MYO15A: variants seen among roughly 807,000 people sequenced by gnomAD.
MYO15A encodes unconventional myosin-XV.
Under a neutral mutation model 394.6 loss-of-function variants are expected in MYO15A, and 308 were observed. The observed-to-expected ratio is 0.78, with a 90% CI of 0.71 to 0.86. The LOEUF (loss-of-function observed/expected upper bound fraction) is 0.86. MYO15A is among the 40% of genes least tolerant of loss of function. MYO15A has a pLI of 0.00. For synonymous variants in MYO15A, 1,957 were observed against 2,003.8 expected, an observed-to-expected ratio of 0.98 and a Z score of 0.62; for missense variants, 4,606 against 4,799.1, an observed-to-expected ratio of 0.96 and a Z score of 1.19.
At chr17:18,157,955 G>A in intron 51 of MYO15A, 55 bp downstream of exon 51, 1 of 1,445,428 alleles carries the variant, frequency 6.9e-7, no homozygotes, top group Non-Finnish European at 9.1e-7. Flanking sequence ...AGGGGCCGCT[G>A]CAGAAGGGGT....
chr17:18,156,955 A>G lies in MYO15A; in HGVS notation c.8603A>G (p.Asp2868Gly). Residue 2868 changes from aspartate to glycine, a missense_variant and splice_region_variant, in exon 49 of 66, where the codon GAC becomes GGC. Asp to Gly is a moderately conservative substitution (Grantham distance 94, BLOSUM62 -1). Transcript: ENST00000647165. ...VDDFILELKK[D>G]SDYVVAVRNF... Reference sequence around the variant, plus strand: ...TCACCCTGCCTCTGGCTGACCCAGGACTCTGACTACGTGGTCGCTGTGAGG... The same window carrying G: ...TCACCCTGCCTCTGGCTGACCCAGGGCTCTGACTACGTGGTCGCTGTGAGG... 1 of 1,613,950 alleles carries G rather than the reference A, an allele frequency of 6.2e-7. No individual in the cohort carries two copies. The highest frequency in any genetic ancestry group is 8.5e-7 in the Non-Finnish European group (1 of 1,179,954).
At chr17:18,130,708 GCTCCTAGT>G in intron 7 of MYO15A, 89 bp from the exon 8 acceptor site, 1 of 1,602,468 alleles carries the variant, frequency 6.2e-7, no homozygotes, top group Admixed American at 1.7e-5. Flanking sequence ...CTGGTCTGAG[GCTCCTAGT>G]CTCCTGGAGA....
At chr17:18,113,784 T>C (rs2045750663) in intron 1 of MYO15A, among the ~76,000 whole-genome samples, 1 of 133,876 alleles carries the variant, frequency 7.5e-6, no homozygotes, top group Non-Finnish European at 1.5e-5. Flanking sequence ...CTTATATTCT[T>C]AGCACCTCCC....
At chr17:18,127,380 C>T (rs1281239671) in intron 7 of MYO15A, among the ~76,000 whole-genome samples, 1 of 152,176 alleles carries the variant, frequency 6.6e-6, no homozygotes, top group East Asian at 1.9e-4. Context: ...TCTGTGGCAG[C>T]TCCTGCTTCC....
intron 7 of MYO15A, 110 bp from the exon 8 acceptor site, chr17:18,130,695 T>A: frequency 6.3e-7 from 1 of 1,586,998 alleles, no homozygotes; most frequent in Non-Finnish European, 8.6e-7. Context: ...TACTAGTCCC[T>A]CCCTGGTCTG....
chr17:18,170,185 A>G (rs919847214), intron 62 of MYO15A, among the ~76,000 whole-genome samples: 4 of 152,012 alleles, frequency 2.6e-5, no homozygotes, highest in Non-Finnish European at 4.4e-5. Context: ...GAAAATGACA[A>G]GTTCCTAATG....
intron 22 of MYO15A, 97 bp from the exon 23 acceptor site, chr17:18,141,556 G>A (rs1053368218): frequency 1.0e-5 from 12 of 1,186,234 alleles, no homozygotes; most frequent in Middle Eastern, 2.2e-4. Context: ...CTGGGACCAG[G>A]CTTTTTGGAC....
rs775242184 is a variant in MYO15A, at chr17:18,157,035, C to T, written c.8683C>T (p.His2895Tyr). The change falls in exon 49 of 66, where the codon CAC becomes TAC. Residue 2895 changes from histidine to tyrosine, a missense_variant. By Grantham distance (83) the His-to-Tyr change is moderately conservative. This residue lies in a region of MYO15A where 2,776 missense variants were observed against 3,109.3 expected (regional missense o/e 0.89). Coordinates refer to ENST00000647165, the MANE Select transcript of MYO15A (RefSeq NM_016239.4). ...GGCTTTCCACAAGGGTGACATCATA[C>T]ACCTGCAGCCCCTAGAGCCACCTCG... Reference protein sequence around the residue: ...LLAFHKGDIIHLQPLEPPRVG... With the variant: ...LLAFHKGDIIYLQPLEPPRVG... 49 of 1,614,054 alleles carry T rather than the reference C, an allele frequency of 3.0e-5. No individual in the cohort carries two copies. Among genetic ancestry groups the T allele is most frequent in the Non-Finnish European group, 3.9e-5 (46 of 1,180,034 alleles).
chr17:18,131,264 A>T lies in MYO15A; in HGVS notation c.4064A>T (p.Glu1355Val), dbSNP rs773781659. Reference protein sequence around the residue: ...IKILEATPLLESFGNAKTVRN... With the variant: ...IKILEATPLLVSFGNAKTVRN... ...ATCCTGGAGGCAACACCCCTCTTGG[A>T]GTCCTTCGGTAATGCCAAAACCGTC... is the stretch of plus-strand genomic sequence containing the variant. Residue 1355 changes from glutamate to valine, a missense_variant, in exon 9 of 66, where the codon GAG (glutamate) becomes GTG (valine). This residue lies in a region of MYO15A where 2,776 missense variants were observed against 3,109.3 expected (regional missense o/e 0.89). Coordinates refer to ENST00000647165, the MANE Select transcript of MYO15A (RefSeq NM_016239.4). The T allele has an allele frequency of 6.2e-7, 1 of 1,613,802 alleles. No homozygotes were observed. The highest frequency in any genetic ancestry group is 8.5e-7 in the Non-Finnish European group (1 of 1,179,944).
Position 18,119,523 on chromosome 17 carries a change from C to T in MYO15A, c.723C>T (p.Asp241=), listed in dbSNP as rs753964516. ...GCGAGTATTATGACTATCACCGCGACGGCGACGACTACTACGACCGGCAGT... is the reference window on the plus strand; with the variant it reads ...GCGAGTATTATGACTATCACCGCGATGGCGACGACTACTACGACCGGCAGT... ...DLGEYYDYHR[D]GDDYYDRQSL... is the part of the protein sequence containing the mutation. The change falls in exon 2 of 66, where the codon GAC becomes GAT. Residue 241 remains aspartate, a synonymous_variant. Coordinates refer to ENST00000647165, the MANE Select transcript of MYO15A (RefSeq NM_016239.4). 42 of 1,610,600 alleles carry T rather than the reference C, an allele frequency of 2.6e-5. No homozygotes were observed. The highest frequency in any genetic ancestry group is 1.6e-4 in the Middle Eastern group (1 of 6,084).
chr17:18,163,652 C>A (rs1015008083), intron 59 of MYO15A, 90 bp from the exon 60 acceptor site: 2 of 1,209,150 alleles, frequency 1.7e-6, no homozygotes, highest in Admixed American at 3.9e-5. Context: ...TGAGGAACTC[C>A]ACACATGGCC....
chr17:18,164,832 C>CAAAAAAAAAAAA (rs368989213), intron 60 of MYO15A: 2 of 84,334 alleles, frequency 2.4e-5, no homozygotes, highest in African/African-American at 5.7e-5. Flanking sequence ...ACTCTATCTG[C>CAAAAAAAAAAAA]AAAAAAAAAA....
chr17:18,133,130 C>G (rs1474321304), intron 11 of MYO15A, 95 bp from the exon 12 acceptor site: 1 of 1,330,666 alleles, frequency 7.5e-7, no homozygotes, highest in Non-Finnish European at 1.1e-6. Flanking sequence ...GTGACCAACT[C>G]AGGCCACCAC....
At chr17:18,176,854 C>T (rs2047021530) in intron 65 of MYO15A, 1 of 152,216 alleles carries the variant, frequency 6.6e-6, no homozygotes, top group African/African-American at 2.4e-5. Flanking sequence ...CATTTCAACA[C>T]AAGATTTAGA....
intron 61 of MYO15A, 141 bp from the exon 62 acceptor site, chr17:18,167,449 A>G: frequency 7.3e-7 from 1 of 1,376,574 alleles, no homozygotes; most frequent in South Asian, 1.2e-5. Context: ...CATTCCCCGA[A>G]ACCCAGGAAA....
In MYO15A at chr17:18,144,800, C is replaced by CAAAA. The variant is rs35437143; in HGVS notation, c.6273+224_6273+227dup. On this transcript the variant is annotated intron_variant, in intron 29 of 65. Coordinates refer to ENST00000647165, the MANE Select transcript of MYO15A (RefSeq NM_016239.4). ...TTTCTTCTCCCAGCCATCTTCCTGGCAAAAAAAAAAAAAAAAAAATTCTGC... is the reference window on the plus strand; with the variant it reads ...TTTCTTCTCCCAGCCATCTTCCTGGCAAAAAAAAAAAAAAAAAAAAAAATTCTGC... Among the ~76,000 whole-genome samples the CAAAA allele has an allele frequency of 1.9e-3, 227 of 117,054 alleles. 1 individual carries two copies. Among genetic ancestry groups the CAAAA allele is most frequent in the African/African-American group, 6.2e-3 (194 of 31,054 alleles). 76.8% of individuals were successfully genotyped at this position (117,054 alleles called of 152,430 possible).
Position 18,178,861 on chromosome 17 carries a change from C to T in MYO15A, c.10584C>T (p.Thr3528=). Residue 3528 remains threonine (T), a synonymous_variant, in exon 66 of 66, where the codon ACC becomes ACT. Transcript: ENST00000647165. ...TCACATTGCCCCCCAGCGAGATCAC[C>T]CTGCTCTGACCCAGCCCCCAGCCCT... ...KRLTLPPSEI[T]LL 1 of 1,613,036 alleles carries T rather than the reference C, an allele frequency of 6.2e-7. No homozygotes were observed. Among genetic ancestry groups the T allele is most frequent in the Non-Finnish European group, 8.5e-7 (1 of 1,180,000 alleles).
In MYO15A at chr17:18,121,869, G is replaced by A; in HGVS notation, c.3069G>A (p.Leu1023=). Residue 1023 remains leucine, a synonymous_variant, in exon 2 of 66, where the codon CTG becomes CTA. Coordinates refer to ENST00000647165, the MANE Select transcript of MYO15A (RefSeq NM_016239.4). This position sits in a 1 kb window ranked among gnomAD's most constrained non-coding sequence, Gnocchi z 5.3. The part of the protein sequence containing the change: ...EEEATLGDPQ[L]PAETKPPTPA... ...AGGCCACCCTGGGGGACCCCCAGCT[G>A]CCAGCAGAGACCAAGCCTCCAACCC... The A allele has an allele frequency of 6.2e-7, 1 of 1,612,918 alleles. No individual in the cohort carries two copies.
At chr17:18,126,534 C>G in intron 5 of MYO15A, 78 bp downstream of exon 5, 1 of 1,383,108 alleles carries the variant, frequency 7.2e-7, no homozygotes, top group Non-Finnish European at 1.0e-6. Flanking sequence ...ATCCCGGCTG[C>G]ACCTGAGCCA....
Sources: allele counts gnomAD v4.1 joint callset (sites outside exome capture counted in the v4.1 genomes callset), GRCh38; gene constraint gnomAD v4.1.1; regional missense constraint gnomAD v4.1.1; non-coding constraint Gnocchi (gnomAD v3.1); transcripts MANE v1.5; gene names NCBI Gene and HGNC (gene_info 2026-07-23, HGNC 2026-07-21).